Variants in PTPRN2 observed in about 807,000 individuals in gnomAD.
The protein encoded by PTPRN2 is protein tyrosine phosphatase receptor type N2.
In PTPRN2, 74 loss-of-function variants were observed where a neutral mutation model predicts 118.8. That is an observed-to-expected ratio of 0.62 (90% CI 0.52 to 0.76). PTPRN2 has a LOEUF of 0.76. Ranked by LOEUF, PTPRN2 falls within the 30% of genes least tolerant of loss-of-function variation. PTPRN2 has a pLI of 0.00. For missense variants in PTPRN2, 1,481 were observed against 1,394.4 expected (o/e 1.06, Z -0.99); for synonymous variants, 641 against 608.0 (o/e 1.05, Z -0.80).
rs1801322175 is a variant in PTPRN2 at position 157,596,076 on chromosome 7, G to A, written c.2419-761C>T. On this transcript the variant is annotated intron_variant, in intron 16 of 22. Coordinates refer to ENST00000389418, the MANE Select transcript of PTPRN2 (RefSeq NM_002847.5). The surrounding 1 kb of genome is among the most constrained non-coding windows in gnomAD (Gnocchi z 4.2). ...AACGAGCCTCTTGCTAGAGCCACAG[G>A]GCTGGCTGGGGTGAGGCTGAGCTCC... 6.6e-6 allele frequency among the ~76,000 whole-genome samples: 1 copy of A among 152,250 alleles called. No individual in the cohort carries two copies. The highest frequency in any genetic ancestry group is 2.4e-5 in the African/African-American group (1 of 41,462).
intron 12 of PTPRN2, among the ~76,000 whole-genome samples, chr7:157,856,532 C>G (rs1174106240): frequency 6.6e-6 from 1 of 152,248 alleles, no homozygotes; most frequent in Non-Finnish European, 1.5e-5. Context: ...AGACAACCAG[C>G]AAGCCGTGTG....
At chr7:158,100,841 G>A (rs781710672) in intron 10 of PTPRN2, among the ~76,000 whole-genome samples, 1 of 152,010 alleles carries the variant, frequency 6.6e-6, no homozygotes, top group African/African-American at 2.4e-5. Flanking sequence ...TCACTCTTTG[G>A]GTTGTCTGTA....
At chr7:157,970,636 A>C (rs1202297764) in intron 11 of PTPRN2, among the ~76,000 whole-genome samples, 595 of 111,312 alleles carry the variant, frequency 5.3e-3, no homozygotes, top group Admixed American at 0.011. Context: ...CTCAGAGCGG[A>C]CCCCCCCCCC....
intron 3 of PTPRN2, among the ~76,000 whole-genome samples, chr7:158,262,378 TACAC>T (rs796842008): frequency 2.4e-5 from 3 of 124,288 alleles, no homozygotes; most frequent in Non-Finnish European, 3.3e-5. Flanking sequence ...TGCACACACA[TACAC>T]ACATTCACAC....
Position 158,486,329 on chromosome 7 carries a change from C to G in PTPRN2, c.163+3406G>C, listed in dbSNP as rs558763364. 1.6e-4 allele frequency among the ~76,000 whole-genome samples: 24 copies of G among 152,310 alleles called. 1 individual carries two copies. The South Asian group carries it at 4.6e-3, about 29-fold the overall frequency. On this transcript the variant is annotated intron_variant, in intron 2 of 22. Transcript: ENST00000389418. ...TTTTAATCTTCATAGATTTGTTTTC[C>G]TTTTTTCTATTGTGGAGTAGTTGAT...
At position 158,546,454 on chromosome 7, in the gene PTPRN2, G is replaced by A. The variant is rs1192484446; in HGVS notation, c.112+41104C>T. ...CTGGAATCACAGCCGCCGGGTTAAGGGGCTCATGGCGGAGGCAAGCCCCAG... is the reference window on the plus strand; with the variant it reads ...CTGGAATCACAGCCGCCGGGTTAAGAGGCTCATGGCGGAGGCAAGCCCCAG... On this transcript the variant is annotated intron_variant, in intron 1 of 22. Transcript: ENST00000389418. This position sits in a 1 kb window ranked among gnomAD's most constrained non-coding sequence, Gnocchi z 5.0. Among the ~76,000 whole-genome samples, 1 of 152,226 alleles carries A rather than the reference G, an allele frequency of 6.6e-6. No homozygotes were observed. The highest frequency in any genetic ancestry group is 1.5e-5 in the Non-Finnish European group (1 of 68,038).
At chr7:157,815,454 C>T (rs770458456) in intron 12 of PTPRN2, among the ~76,000 whole-genome samples, 20 of 152,228 alleles carry the variant, frequency 1.3e-4, no homozygotes, top group Non-Finnish European at 1.9e-4. Context: ...TAGAGAAGCA[C>T]CGCTGCCGAG....
intron 2 of PTPRN2, among the ~76,000 whole-genome samples, chr7:158,484,736 A>T (rs12334052): frequency 0.19 from 29,187 of 152,006 alleles, 3,250 homozygotes; most frequent in East Asian, 0.41. Flanking sequence ...GAGCACGGCG[A>T]TTCCCAGGTT....
At chr7:158,395,704 G>C (rs1278321617) in intron 2 of PTPRN2, among the ~76,000 whole-genome samples, 5 of 77,244 alleles carry the variant, frequency 6.5e-5, no homozygotes, top group Admixed American at 1.1e-4. Flanking sequence ...GGCGAGGGGC[G>C]AGGGGCGAGG....
intron 11 of PTPRN2, among the ~76,000 whole-genome samples, chr7:157,900,449 C>T (rs1797376654): frequency 1.3e-5 from 2 of 152,356 alleles, no homozygotes; most frequent in South Asian, 2.1e-4. Context: ...GGGTGTCTGT[C>T]CATCCTTGAC....
At chr7:158,145,104 G>A (rs373782710) in intron 6 of PTPRN2, among the ~76,000 whole-genome samples, 18 of 67,718 alleles carry the variant, frequency 2.7e-4, no homozygotes, top group East Asian at 5.8e-4. Flanking sequence ...GCTCGGCAAG[G>A]TTTCCCTCAC....
chr7:158,286,402 C>T (rs1298178385), intron 3 of PTPRN2, among the ~76,000 whole-genome samples: 1 of 152,104 alleles, frequency 6.6e-6, no homozygotes, highest in Non-Finnish European at 1.5e-5. Context: ...AAAGAAGTGG[C>T]GAGAGTTAGC....
rs111254238 is a variant in PTPRN2, at chr7:157,952,230, G to A, written c.1724-53493C>T. Reference sequence around the variant, plus strand: ...GCAGCTAGCCTCGCCAGACGCGGGCGATGGGGCCGAACCCCGCAGGACAAC... The same window carrying A: ...GCAGCTAGCCTCGCCAGACGCGGGCAATGGGGCCGAACCCCGCAGGACAAC... On this transcript the variant is annotated intron_variant, in intron 11 of 22. Coordinates refer to ENST00000389418, the MANE Select transcript of PTPRN2 (RefSeq NM_002847.5). Among the ~76,000 whole-genome samples, 214 of 152,316 alleles carry A rather than the reference G, an allele frequency of 1.4e-3. 1 individual carries two copies. Among genetic ancestry groups the A allele is most frequent in the African/African-American group, 4.8e-3 (198 of 41,574 alleles).
intron 2 of PTPRN2, among the ~76,000 whole-genome samples, chr7:158,428,638 C>T (rs553961240): frequency 1.3e-5 from 2 of 152,304 alleles, no homozygotes; most frequent in East Asian, 3.9e-4. Flanking sequence ...GTCACAGAGT[C>T]ACCATTACTC....
chr7:158,512,104 C>T (rs926179566), intron 1 of PTPRN2, among the ~76,000 whole-genome samples: 1 of 152,146 alleles, frequency 6.6e-6, no homozygotes, highest in Non-Finnish European at 1.5e-5. Flanking sequence ...ACGGTGATGA[C>T]AGAATCCTGC....
At chr7:157,856,883 G>T (rs1358177547) in intron 12 of PTPRN2, among the ~76,000 whole-genome samples, 1 of 152,116 alleles carries the variant, frequency 6.6e-6, no homozygotes, top group African/African-American at 2.4e-5. Flanking sequence ...ACCAAGAAAG[G>T]TTTGAACAAC....
Position 158,371,585 on chromosome 7 carries a change from C to T in PTPRN2, c.164-54653G>A, listed in dbSNP as rs533292617. ...TGATGACCTTGTGACGCAACAAGCA[C>T]CTCACGCTTGAGAGAGGAACTTTAT... On this transcript the variant is annotated intron_variant, in intron 2 of 22. Coordinates refer to ENST00000389418, the MANE Select transcript of PTPRN2 (RefSeq NM_002847.5). Among the ~76,000 whole-genome samples the T allele has an allele frequency of 2.8e-4, 43 of 152,250 alleles. 1 individual carries two copies. Among genetic ancestry groups the T allele is most frequent in the Admixed American group, 2.8e-3 (43 of 15,292 alleles).
At chr7:158,251,659 T>A (rs1285505415) in intron 3 of PTPRN2, among the ~76,000 whole-genome samples, 1 of 149,940 alleles carries the variant, frequency 6.7e-6, no homozygotes, top group Non-Finnish European at 1.5e-5. Context: ...TGTGCACAGG[T>A]GTGCAATGGA....
At chr7:157,557,809 T>C (rs1454553371) in intron 21 of PTPRN2, among the ~76,000 whole-genome samples, 1 of 152,158 alleles carries the variant, frequency 6.6e-6, no homozygotes, top group Admixed American at 6.5e-5. Context: ...TTTTTTCCTT[T>C]GAACAAATTC....
Sources: gnomAD v4.1 joint callset for allele counts (sites outside exome capture counted in the v4.1 genomes callset) on GRCh38, gnomAD v4.1.1 for gene constraint, Gnocchi (gnomAD v3.1) non-coding constraint, MANE v1.5 for transcripts, NCBI Gene and HGNC (gene_info 2026-07-23, HGNC 2026-07-21) for gene names.